Variants in RABGAP1L observed in about 807,000 individuals in gnomAD.
The protein encoded by RABGAP1L is RAB GTPase activating protein 1 like, also known as rab GTPase-activating protein 1-like.
A neutral mutation model predicts 137.7 loss-of-function variants in RABGAP1L; 63 were observed. That is an observed-to-expected ratio of 0.46 (90% CI 0.37 to 0.56). The LOEUF (loss-of-function observed/expected upper bound fraction) is 0.56. Among genes scored for constraint, RABGAP1L ranks in the 20% least tolerant of loss-of-function variants. The pLI, the probability that RABGAP1L is intolerant of heterozygous loss-of-function variation, is 0.00. For synonymous variants in RABGAP1L, 431 were observed against 433.7 expected, an observed-to-expected ratio of 0.99 and a Z score of 0.08; for missense variants, 1,095 against 1,244.0, an observed-to-expected ratio of 0.88 and a Z score of 1.80.
intron 19 of RABGAP1L, among the ~76,000 whole-genome samples, chr1:174,911,222 C>T (rs1660002677): frequency 1.3e-5 from 2 of 151,954 alleles, no homozygotes; most frequent in Admixed American, 1.3e-4. Flanking sequence ...ATATTTTCTT[C>T]CGTTTTGCAG....
chr1:174,923,040 AC>A (rs769635058), intron 19 of RABGAP1L, among the ~76,000 whole-genome samples: 6 of 152,024 alleles, frequency 3.9e-5, no homozygotes, highest in Non-Finnish European at 7.4e-5. Flanking sequence ...GTATGGTGGC[AC>A]ATGCCTGTGG....
intron 19 of RABGAP1L, among the ~76,000 whole-genome samples, chr1:174,941,322 G>T (rs541770246): frequency 6.6e-6 from 1 of 152,168 alleles, no homozygotes; most frequent in Non-Finnish European, 1.5e-5. Context: ...AAGGGTAGTT[G>T]TTTGGCATTG....
chr1:174,453,133 G>A (rs1163155381), intron 13 of RABGAP1L, among the ~76,000 whole-genome samples: 1 of 152,168 alleles, frequency 6.6e-6, no homozygotes, highest in Non-Finnish European at 1.5e-5. Flanking sequence ...TGATGAGACA[G>A]GCATGATTCT....
At chr1:174,619,936 G>C (rs554954857) in intron 13 of RABGAP1L, among the ~76,000 whole-genome samples, 1 of 152,110 alleles carries the variant, frequency 6.6e-6, no homozygotes. Flanking sequence ...AATAAGGGAC[G>C]GAGGAAGATC....
At chr1:174,494,339 A>T (rs143447433) in intron 13 of RABGAP1L, among the ~76,000 whole-genome samples, 4 of 152,334 alleles carry the variant, frequency 2.6e-5, no homozygotes, top group Admixed American at 6.5e-5. Flanking sequence ...TATTTAAAGC[A>T]CCACAGACCT....
At chr1:174,452,676 C>T (rs1180022190) in intron 13 of RABGAP1L, among the ~76,000 whole-genome samples, 1 of 152,134 alleles carries the variant, frequency 6.6e-6, no homozygotes, top group Non-Finnish European at 1.5e-5. Flanking sequence ...ATTCTCCTGC[C>T]TCAGCCTCCC....
chr1:174,849,068 GC>G (rs1197815908), intron 19 of RABGAP1L, among the ~76,000 whole-genome samples: 5 of 152,346 alleles, frequency 3.3e-5, no homozygotes, highest in Admixed American at 1.3e-4. Flanking sequence ...GTGAGGCAAT[GC>G]CTCGCCCTGC....
intron 13 of RABGAP1L, among the ~76,000 whole-genome samples, chr1:174,441,001 T>C (rs1327250510): frequency 5.9e-5 from 9 of 151,832 alleles, no homozygotes; most frequent in Admixed American, 5.9e-4. Flanking sequence ...GTAGTTTGAA[T>C]TGACTGGATG....
At chr1:174,396,667 G>A (rs1388591877) in intron 13 of RABGAP1L, among the ~76,000 whole-genome samples, 1 of 151,752 alleles carries the variant, frequency 6.6e-6, no homozygotes. Flanking sequence ...TTCACTAAGA[G>A]GCTTTCATAA....
chr1:174,637,881 G>A (rs1674190352), intron 14 of RABGAP1L, among the ~76,000 whole-genome samples: 1 of 152,156 alleles, frequency 6.6e-6, no homozygotes, highest in Non-Finnish European at 1.5e-5. Flanking sequence ...GTTGAATACT[G>A]GCAAATTATT....
intron 19 of RABGAP1L, among the ~76,000 whole-genome samples, chr1:174,866,253 A>G (rs1651228190): frequency 6.6e-6 from 1 of 152,154 alleles, no homozygotes; most frequent in Non-Finnish European, 1.5e-5. Flanking sequence ...ATATCTATCT[A>G]TAGAAATATA....
At chr1:174,375,855 A>G (rs1685483313) in intron 12 of RABGAP1L, among the ~76,000 whole-genome samples, 1 of 152,118 alleles carries the variant, frequency 6.6e-6, no homozygotes, top group African/African-American at 2.4e-5. Flanking sequence ...ACTTGAGGTA[A>G]TGAGTTTGAG....
chr1:174,714,064 A>G (rs1184902548), intron 17 of RABGAP1L, among the ~76,000 whole-genome samples: 1 of 152,190 alleles, frequency 6.6e-6, no homozygotes. Context: ...AGTGGTATCC[A>G]AAGGTCAGCC....
At chr1:174,966,868 A>T (rs1421196391) in intron 20 of RABGAP1L, among the ~76,000 whole-genome samples, 1 of 142,062 alleles carries the variant, frequency 7.0e-6, no homozygotes, top group Non-Finnish European at 1.5e-5. Context: ...ACAGAAGTGG[A>T]CTTAAATTTT....
At chr1:174,384,060 C>A (rs116295490) in intron 12 of RABGAP1L, among the ~76,000 whole-genome samples, 317 of 152,304 alleles carry the variant, frequency 2.1e-3, no homozygotes, top group Non-Finnish European at 3.1e-3. Context: ...GATCAACCAA[C>A]TGTGGTATAT....
chr1:174,549,260 A>G (rs1367803014), intron 13 of RABGAP1L, among the ~76,000 whole-genome samples: 1 of 152,158 alleles, frequency 6.6e-6, no homozygotes, highest in Non-Finnish European at 1.5e-5. Flanking sequence ...TCAAAAGGAG[A>G]TAGAAGAAGC....
intron 19 of RABGAP1L, among the ~76,000 whole-genome samples, chr1:174,895,229 C>A (rs1157503548): frequency 6.6e-6 from 1 of 152,142 alleles, no homozygotes; most frequent in Non-Finnish European, 1.5e-5. Context: ...GGAAACCATT[C>A]AACTTGAGAA....
intron 14 of RABGAP1L, among the ~76,000 whole-genome samples, chr1:174,665,703 G>T (rs1468026895): frequency 6.6e-6 from 1 of 152,170 alleles, no homozygotes; most frequent in Non-Finnish European, 1.5e-5. Context: ...GACCTCAGGT[G>T]ATCCGCCTGC....
intron 13 of RABGAP1L, among the ~76,000 whole-genome samples, chr1:174,611,607 C>G (rs891673365): frequency 4.0e-5 from 6 of 150,430 alleles, no homozygotes; most frequent in African/African-American, 1.5e-4. Context: ...TCATTGGTAG[C>G]TTGATGGGGA....
Sources: allele counts gnomAD v4.1 joint callset (sites outside exome capture counted in the v4.1 genomes callset), GRCh38; gene constraint gnomAD v4.1.1; transcripts MANE v1.5; gene names NCBI Gene and HGNC (gene_info 2026-07-23, HGNC 2026-07-21).